Variants in PTPRD observed in about 807,000 individuals in gnomAD.
The protein encoded by PTPRD is protein tyrosine phosphatase receptor type D, also known as receptor-type tyrosine-protein phosphatase delta.
A neutral mutation model predicts 214.5 loss-of-function variants in PTPRD; 34 were observed. The observed-to-expected ratio is 0.16, with a 90% CI of 0.12 to 0.21. PTPRD has a LOEUF of 0.21. Ranked by LOEUF, PTPRD falls within the 10% of genes least tolerant of loss-of-function variation. The pLI is 1.00. For missense variants in PTPRD, 2,545 were observed against 2,398.7 expected, an observed-to-expected ratio of 1.06 and a Z score of -1.27; for synonymous variants, 1,128 against 845.7, an observed-to-expected ratio of 1.33 and a Z score of -5.79.
chr9:8,474,389 G>A (rs538008960), intron 30 of PTPRD, among the ~76,000 whole-genome samples: 3 of 152,098 alleles, frequency 2.0e-5, no homozygotes, highest in South Asian at 4.2e-4. Flanking sequence ...TCGGGCCCAC[G>A]TACCACTGAA....
chr9:10,166,320 T>C (rs2099158938), intron 3 of PTPRD, among the ~76,000 whole-genome samples: 1 of 150,972 alleles, frequency 6.6e-6, no homozygotes, highest in Non-Finnish European at 1.5e-5. Context: ...TAACATCCTA[T>C]CAGCAGGCAT....
At position 10,469,592 on chromosome 9, in the gene PTPRD, C is replaced by T. The variant is rs1483115428; in HGVS notation, c.-599-128575G>A. On this transcript the variant is annotated intron_variant, in intron 2 of 45. Transcript: ENST00000381196. ...AAATTAGTATAGCCATTATGAAAAA[C>T]AGTATGGCGCTTCCTCAAAGAACTA... Among the ~76,000 whole-genome samples the T allele has an allele frequency of 2.6e-5, 4 of 152,046 alleles. No homozygotes were observed. In the South Asian group the frequency reaches 6.2e-4, roughly 24 times the overall value.
chr9:9,914,688 G>A (rs1164598349), intron 5 of PTPRD, among the ~76,000 whole-genome samples: 2 of 152,036 alleles, frequency 1.3e-5, no homozygotes, highest in Non-Finnish European at 2.9e-5. Flanking sequence ...GCATGTGATT[G>A]TATTCTGAGC....
chr9:10,505,883 G>A (rs1373690928), intron 2 of PTPRD, among the ~76,000 whole-genome samples: 1 of 151,972 alleles, frequency 6.6e-6, no homozygotes, highest in Non-Finnish European at 1.5e-5. Flanking sequence ...ATTTTAATTA[G>A]ATATATCAAT....
chr9:9,503,467 C>T (rs80047702), intron 8 of PTPRD, among the ~76,000 whole-genome samples: 1,959 of 151,468 alleles, frequency 0.013, 41 homozygotes, highest in African/African-American at 0.045. Context: ...TTCAAATGGG[C>T]GCTCAAGTAT....
intron 7 of PTPRD, among the ~76,000 whole-genome samples, chr9:9,627,781 A>G (rs919167070): frequency 1.3e-5 from 2 of 152,202 alleles, no homozygotes; most frequent in Non-Finnish European, 2.9e-5. Flanking sequence ...ATGAATTTGC[A>G]TGTATGTGAC....
chr9:8,783,707 C>T (rs556411157), intron 11 of PTPRD, among the ~76,000 whole-genome samples: 31 of 152,282 alleles, frequency 2.0e-4, no homozygotes, highest in African/African-American at 7.2e-4. Flanking sequence ...TGACAAACGG[C>T]TCAGTTCCGT....
At chr9:8,396,619 G>C (rs541078778) in intron 36 of PTPRD, among the ~76,000 whole-genome samples, 1 of 152,220 alleles carries the variant, frequency 6.6e-6, no homozygotes, top group East Asian at 1.9e-4. Flanking sequence ...CTGAGAACAA[G>C]AGTAAAGCAA....
intron 7 of PTPRD, among the ~76,000 whole-genome samples, chr9:9,660,142 A>G (rs1201531571): frequency 6.6e-6 from 1 of 152,028 alleles, no homozygotes; most frequent in African/African-American, 2.4e-5. Flanking sequence ...TGCACTTCAA[A>G]AATTTCATGT....
chr9:9,813,150 G>T (rs1163333972), intron 5 of PTPRD, among the ~76,000 whole-genome samples: 1 of 151,928 alleles, frequency 6.6e-6, no homozygotes, highest in African/African-American at 2.4e-5. Flanking sequence ...AGTACAAGAA[G>T]TCCTAAGAGG....
intron 7 of PTPRD, among the ~76,000 whole-genome samples, chr9:9,687,417 G>C (rs905184186): frequency 6.6e-6 from 1 of 151,762 alleles, no homozygotes; most frequent in African/African-American, 2.4e-5. Context: ...AGGGTTTCCT[G>C]ATGGGTAAAC....
chr9:8,378,594 A>C (rs1328006833), intron 37 of PTPRD, among the ~76,000 whole-genome samples: 3 of 152,100 alleles, frequency 2.0e-5, no homozygotes, highest in African/African-American at 4.8e-5. Flanking sequence ...GAGAAACTCA[A>C]ATTCATCATT....
intron 2 of PTPRD, among the ~76,000 whole-genome samples, chr9:10,368,998 G>A (rs2097563596): frequency 6.6e-6 from 1 of 151,946 alleles, no homozygotes; most frequent in Non-Finnish European, 1.5e-5. Flanking sequence ...TGGGGAATAT[G>A]TGTTTTTTTT....
chr9:10,093,423 C>T (rs1039452857), intron 3 of PTPRD, among the ~76,000 whole-genome samples: 11 of 151,302 alleles, frequency 7.3e-5, no homozygotes, highest in Non-Finnish European at 1.5e-4. Flanking sequence ...GTCAGAATGG[C>T]GATTCCTAAA....
At chr9:10,087,396 A>C (rs1054905677) in intron 3 of PTPRD, among the ~76,000 whole-genome samples, 3 of 151,662 alleles carry the variant, frequency 2.0e-5, no homozygotes, top group African/African-American at 7.3e-5. Flanking sequence ...TAGATGTTCC[A>C]ATAATGCTAA....
At chr9:9,166,961 C>G (rs866823036) in intron 10 of PTPRD, among the ~76,000 whole-genome samples, 5 of 152,088 alleles carry the variant, frequency 3.3e-5, no homozygotes, top group African/African-American at 1.2e-4. Flanking sequence ...GCAATATACG[C>G]TCTTAGCTGA....
chr9:9,426,492 C>T (rs1360337742), intron 8 of PTPRD, among the ~76,000 whole-genome samples: 1 of 152,160 alleles, frequency 6.6e-6, no homozygotes, highest in Non-Finnish European at 1.5e-5. Context: ...CAGAGCATAG[C>T]TGAACAAAAG....
intron 5 of PTPRD, among the ~76,000 whole-genome samples, chr9:9,885,347 T>C (rs2070442936): frequency 6.6e-6 from 1 of 151,990 alleles, no homozygotes; most frequent in Non-Finnish European, 1.5e-5. Context: ...GTAAGAAAGA[T>C]TTAAGATGAT....
At chr9:9,846,686 A>G (rs2059591675) in intron 5 of PTPRD, among the ~76,000 whole-genome samples, 1 of 152,104 alleles carries the variant, frequency 6.6e-6, no homozygotes, top group South Asian at 2.1e-4. Context: ...AAAGCTACCC[A>G]GCTTGTTATT....
Sources: gnomAD v4.1 joint callset for allele counts (sites outside exome capture counted in the v4.1 genomes callset) on GRCh38, gnomAD v4.1.1 for gene constraint, MANE v1.5 for transcripts, NCBI Gene and HGNC (gene_info 2026-07-23, HGNC 2026-07-21) for gene names.